MELTF: variants seen among roughly 807,000 people sequenced by gnomAD.
MELTF encodes melanotransferrin.
MELTF carries 67 observed loss-of-function variants against 83.7 expected under a neutral mutation model. The ratio of observed to expected loss-of-function variants is 0.80; its 90% CI spans 0.66 to 0.98. MELTF has a LOEUF of 0.98. Among genes scored for constraint, MELTF ranks in the 50% least tolerant of loss-of-function variants. MELTF has a pLI of 0.00. For synonymous variants in MELTF, 462 were observed against 447.6 expected, an observed-to-expected ratio of 1.03 and a Z score of -0.41; for missense variants, 1,002 against 1,035.6, an observed-to-expected ratio of 0.97 and a Z score of 0.44.
intron 8 of MELTF, 90 bp downstream of exon 8, chr3:197,016,099 G>A (rs999298630): frequency 2.1e-5 from 25 of 1,201,208 alleles, no homozygotes; most frequent in African/African-American, 1.3e-4. Context: ...CCTGGTGAGC[G>A]TCTTCCCCCG....
In MELTF at chr3:197,022,716, C is replaced by G. The variant is rs138757589; in HGVS notation, c.644+241G>C. ...TTTTTCCATTTTCTTCTCTTGGAGCCCTCACCTCACTAAATATACCAAACA... is the reference window on the plus strand; with the variant it reads ...TTTTTCCATTTTCTTCTCTTGGAGCGCTCACCTCACTAAATATACCAAACA... On this transcript the variant is annotated intron_variant, in intron 5 of 15. Transcript: ENST00000296350. This position sits in a 1 kb window ranked among gnomAD's most constrained non-coding sequence, Gnocchi z 5.1. Among the ~76,000 whole-genome samples the G allele has an allele frequency of 6.4e-3, 977 of 152,226 alleles. 14 individuals carry two copies. The highest frequency in any genetic ancestry group is 0.022 in the African/African-American group (921 of 41,532).
rs1719749013 is a variant in MELTF at position 197,024,152 on chromosome 3, G to C, written c.487+151C>G. The stretch of plus-strand genomic sequence containing the variant: ...GCGCCGGCGGCAGAGTGGAGGCGGG[G>C]GAGGCACGGGGCGGGCGGGGGCTGC... On this transcript the variant is annotated intron_variant, in intron 4 of 15. Transcript: ENST00000296350. This position sits in a 1 kb window ranked among gnomAD's most constrained non-coding sequence, Gnocchi z 5.3. The C allele has an allele frequency of 2.5e-6, 2 of 803,592 alleles. No individual in the cohort carries two copies. Among genetic ancestry groups the C allele is most frequent in the Admixed American group, 5.9e-5 (2 of 33,744 alleles). The allele number at this position is 803,592 out of a possible 1,614,324, so 49.8% of individuals were successfully genotyped here. A position where few individuals can be genotyped will look rare whatever the true frequency, so the allele number is the denominator to read the frequency against.
chr3:197,028,529 G>C (rs1719955409), intron 1 of MELTF: 2 of 153,046 alleles, frequency 1.3e-5, no homozygotes, highest in African/African-American at 4.8e-5. Context: ...AAGCCTCTCT[G>C]AGCCTGCTTC....
rs762053800 is a variant in MELTF at position 197,024,530 on chromosome 3, G to C, written c.305-45C>G. On this transcript the variant is annotated intron_variant, in intron 3 of 15. Coordinates refer to ENST00000296350, the MANE Select transcript of MELTF (RefSeq NM_005929.6). This position sits in a 1 kb window ranked among gnomAD's most constrained non-coding sequence, Gnocchi z 5.3. ...GGTGAGGGCAGCAGGGAGAGGCCTC[G>C]AGAGAGGCTGCACCAGCACCCTGCC... 7.3e-6 allele frequency: 11 copies of C among 1,511,364 alleles called. No homozygotes were observed. Among genetic ancestry groups the C allele is most frequent in the Non-Finnish European group, 9.9e-6 (11 of 1,116,724 alleles). The allele number at this position is 1,511,364 out of a possible 1,614,324, so 93.6% of individuals were successfully genotyped here.
At chr3:197,026,908 C>T in intron 2 of MELTF, 149 bp from the exon 3 acceptor site, 1 of 612,492 alleles carries the variant, frequency 1.6e-6, no homozygotes, top group Non-Finnish European at 2.9e-6. Flanking sequence ...CAACCAGAGC[C>T]CAGGGCTCTC....
Position 197,008,865 on chromosome 3 carries a change from G to T in MELTF, c.1626C>A (p.Arg542=), listed in dbSNP as rs753279659. The change falls in exon 12 of 16, where the codon CGC becomes CGA. Residue 542 remains arginine (R), a synonymous_variant. Coordinates refer to ENST00000296350, the MANE Select transcript of MELTF (RefSeq NM_005929.6). The surrounding 1 kb of genome is among the most constrained non-coding windows in gnomAD (Gnocchi z 5.4). ...CCTGGCTGTTGCCCACACACTTGTT[G>T]CGGCCCTGCTCGTCCCCCACGCACA... ...CALCVGDEQG[R]NKCVGNSQER... 131 of 1,614,152 alleles carry T rather than the reference G, an allele frequency of 8.1e-5. No homozygotes were observed. The highest frequency in any genetic ancestry group is 1.1e-4 in the Non-Finnish European group (130 of 1,180,018).
At chr3:197,019,032 T>G in intron 6 of MELTF, 1 of 985,376 alleles carries the variant, frequency 1.0e-6, no homozygotes. Flanking sequence ...AAAAAGATAA[T>G]TTGTATGGTC....
intron 11 of MELTF, 109 bp downstream of exon 11, chr3:197,009,509 C>T: frequency 9.0e-7 from 1 of 1,105,636 alleles, no homozygotes; most frequent in East Asian, 2.5e-5. Context: ...GGCACATATG[C>T]AGAAGCCTGG....
At chr3:197,021,768 T>C (rs1017000807) in intron 5 of MELTF, among the ~76,000 whole-genome samples, 2 of 152,216 alleles carry the variant, frequency 1.3e-5, no homozygotes, top group African/African-American at 4.8e-5. Flanking sequence ...AGCTCAGGCC[T>C]GTAGGGAGCA....
At position 197,029,553 on chromosome 3, in the gene MELTF, A is replaced by G. The variant is rs1016767411; in HGVS notation, c.49+101T>C. Reference sequence around the variant, plus strand: ...TGCCTCCCCCGTCTCACTGCCCCGGAGCCGCAGGCTCAGGCACATTTCCAG... The same window carrying G: ...TGCCTCCCCCGTCTCACTGCCCCGGGGCCGCAGGCTCAGGCACATTTCCAG... On this transcript the variant is annotated intron_variant, in intron 1 of 15. Coordinates refer to ENST00000296350, the MANE Select transcript of MELTF (RefSeq NM_005929.6). The surrounding 1 kb of genome is among the most constrained non-coding windows in gnomAD (Gnocchi z 6.5). 34 of 997,750 alleles carry G rather than the reference A, an allele frequency of 3.4e-5. No individual in the cohort carries two copies. In the Admixed American group the frequency reaches 3.9e-4, roughly 11 times the overall value. The allele number at this position is 997,750 out of a possible 1,614,324, so 61.8% of individuals were successfully genotyped here.
chr3:197,006,017 G>A lies in MELTF; in HGVS notation c.1938+532C>T, dbSNP rs538775859. 2.0e-5 allele frequency among the ~76,000 whole-genome samples: 3 copies of A among 152,228 alleles called. No homozygotes were observed. Among genetic ancestry groups the A allele is most frequent in the Admixed American group, 6.5e-5 (1 of 15,292 alleles). Reference sequence around the variant, plus strand: ...GGGCGGATCACGAGGTCAGGAGATCGAGACCATCCTGGCTAACACGGTGAA... The same window carrying A: ...GGGCGGATCACGAGGTCAGGAGATCAAGACCATCCTGGCTAACACGGTGAA... On this transcript the variant is annotated intron_variant, in intron 14 of 15. Coordinates refer to ENST00000296350, the MANE Select transcript of MELTF (RefSeq NM_005929.6). The surrounding 1 kb of genome is among the most constrained non-coding windows in gnomAD (Gnocchi z 5.4).
chr3:197,024,100 T>C lies in MELTF; in HGVS notation c.487+203A>G, dbSNP rs1262589180. Among the ~76,000 whole-genome samples, 35 of 135,138 alleles carry C rather than the reference T, an allele frequency of 2.6e-4. No individual in the cohort carries two copies. The highest frequency in any genetic ancestry group is 4.8e-4 in the Non-Finnish European group (31 of 64,400). The allele number at this position is 135,138 out of a possible 152,430, so 88.7% of individuals were successfully genotyped here. A position where few individuals can be genotyped will look rare whatever the true frequency, so the allele number is the denominator to read the frequency against. Reference sequence around the variant, plus strand: ...TGAGCAAGAATCGCGCCCCACAGGGTCCAAGCAAGCAGGAAGTCAAGCGGC... The same window carrying C: ...TGAGCAAGAATCGCGCCCCACAGGGCCCAAGCAAGCAGGAAGTCAAGCGGC... On this transcript the variant is annotated intron_variant, in intron 4 of 15. Coordinates refer to ENST00000296350, the MANE Select transcript of MELTF (RefSeq NM_005929.6). The surrounding 1 kb of genome is among the most constrained non-coding windows in gnomAD (Gnocchi z 5.3).
In MELTF at chr3:197,003,947, G is replaced by A; in HGVS notation, c.2091C>T (p.Tyr697=). Reference sequence around the variant, plus strand: ...ACGACATCCCTTCCAGCGCCGCCACGTAGTCCAGCCCCAGCCAGCCGCGGT... The same window carrying A: ...ACGACATCCCTTCCAGCGCCGCCACATAGTCCAGCCCCAGCCAGCCGCGGT... ...TTYRGWLGLD[Y]VAALEGMSSQ... The change falls in exon 15 of 16, where the codon TAC becomes TAT. Residue 697 remains tyrosine (Y), a synonymous_variant. Transcript: ENST00000296350. The surrounding 1 kb of genome is among the most constrained non-coding windows in gnomAD (Gnocchi z 6.2). 2 of 1,614,082 alleles carry A rather than the reference G, an allele frequency of 1.2e-6. No homozygotes were observed. Among genetic ancestry groups the A allele is most frequent in the Non-Finnish European group, 1.7e-6 (2 of 1,180,022 alleles).
chr3:197,008,696 C>T lies in MELTF; in HGVS notation c.1711G>A (p.Ala571Thr). ...RCLVENAGDV[A>T]FVRHTTVFDN... is the part of the protein sequence containing the mutation. Reference sequence around the variant, plus strand: ...AAGACGGTTGTGTGCCTGACGAAGGCAACGTCACCCGCATTCTCCACCAGG... The same window carrying T: ...AAGACGGTTGTGTGCCTGACGAAGGTAACGTCACCCGCATTCTCCACCAGG... Residue 571 changes from alanine (A) to threonine (T), a missense_variant, in exon 13 of 16, where the codon GCC becomes ACC. Coordinates refer to ENST00000296350, the MANE Select transcript of MELTF (RefSeq NM_005929.6). This position sits in a 1 kb window ranked among gnomAD's most constrained non-coding sequence, Gnocchi z 5.4. The T allele has an allele frequency of 6.2e-7, 1 of 1,614,176 alleles. No individual in the cohort carries two copies. Among genetic ancestry groups the T allele is most frequent in the Non-Finnish European group, 8.5e-7 (1 of 1,180,010 alleles).
Position 197,003,807 on chromosome 3 carries a change from T to A in MELTF, c.2137+94A>T. Reference sequence around the variant, plus strand: ...TGCTGCGAACGGGCCTCCACCCGCCTCCCCGGACCCGCAGCGCCCCCCGCT... The same window carrying A: ...TGCTGCGAACGGGCCTCCACCCGCCACCCCGGACCCGCAGCGCCCCCCGCT... On this transcript the variant is annotated intron_variant, in intron 15 of 15. Coordinates refer to ENST00000296350, the MANE Select transcript of MELTF (RefSeq NM_005929.6). The surrounding 1 kb of genome is among the most constrained non-coding windows in gnomAD (Gnocchi z 6.2). 18 of 1,205,290 alleles carry A rather than the reference T, an allele frequency of 1.5e-5. No homozygotes were observed. Among genetic ancestry groups the A allele is most frequent in the East Asian group, 3.7e-5 (1 of 27,202 alleles). 74.7% of individuals were successfully genotyped at this position (1,205,290 alleles called of 1,614,324 possible).
In MELTF at chr3:197,029,659, C is replaced by A; in HGVS notation, c.44G>T (p.Arg15Leu). 8.0e-7 allele frequency: 1 copy of A among 1,246,542 alleles called. No homozygotes were observed. The highest frequency in any genetic ancestry group is 3.7e-5 in the South Asian group (1 of 26,844). 77.2% of individuals were successfully genotyped at this position (1,246,542 alleles called of 1,614,324 possible). Reference sequence around the variant, plus strand: ...CTCTCACAGCGGGGCCTCACCGGTGCGCAGAGCCAGGAGCAGCCACAGAGC... The same window carrying A: ...CTCTCACAGCGGGGCCTCACCGGTGAGCAGAGCCAGGAGCAGCCACAGAGC... ...SGALWLLLAL[R>L]TVLGGMEVRW... The change falls in exon 1 of 16, where the codon CGC becomes CTC. Residue 15 changes from arginine (R) to leucine (L), a missense_variant. Arg to Leu is a moderately radical substitution (Grantham distance 102, BLOSUM62 -2). Transcript: ENST00000296350. The surrounding 1 kb of genome is among the most constrained non-coding windows in gnomAD (Gnocchi z 6.5).
intron 2 of MELTF, chr3:197,027,020 CAGAT>C (rs1577949715): frequency 2.1e-6 from 1 of 487,260 alleles, no homozygotes; most frequent in Non-Finnish European, 3.7e-6. Context: ...GTAAAAAAAT[CAGAT>C]AGCAGAAAAC....
chr3:197,023,680 A>G (rs545953463), intron 4 of MELTF, among the ~76,000 whole-genome samples: 1 of 151,916 alleles, frequency 6.6e-6, no homozygotes, highest in East Asian at 1.9e-4. Context: ...GGCCACGCTC[A>G]TCGCCAGCCA....
Position 197,021,359 on chromosome 3 carries a change from G to A in MELTF, c.712+45C>T, listed in dbSNP as rs1195791643. ...AGGGTCCCTGCCCCAAGCCGGCCTG[G>A]CCTGACTCCCTGCTCCTCTGGGCCC... On this transcript the variant is annotated intron_variant, in intron 6 of 15. Coordinates refer to ENST00000296350, the MANE Select transcript of MELTF (RefSeq NM_005929.6). The A allele has an allele frequency of 5.6e-6, 9 of 1,600,382 alleles. No individual in the cohort carries two copies. The African/African-American group carries it at 6.7e-5, about 12-fold the overall frequency.
Sources: allele counts gnomAD v4.1 joint callset (sites outside exome capture counted in the v4.1 genomes callset), GRCh38; gene constraint gnomAD v4.1.1; non-coding constraint Gnocchi (gnomAD v3.1); transcripts MANE v1.5; gene names NCBI Gene and HGNC (gene_info 2026-07-23, HGNC 2026-07-21).